ATRNL1: variants seen among roughly 807,000 people sequenced by gnomAD.
The protein encoded by ATRNL1 is attractin-like protein 1.
Under a neutral mutation model 182.7 loss-of-function variants are expected in ATRNL1, and 95 were observed. That is an observed-to-expected ratio of 0.52 (90% confidence interval 0.44 to 0.62). The LOEUF (loss-of-function observed/expected upper bound fraction) is 0.62, where lower values mean the gene tolerates loss of function less well. ATRNL1 is among the 20% of genes least tolerant of loss of function. The pLI is 0.00. For missense variants in ATRNL1, 1,471 were observed against 1,679.5 expected (o/e 0.88, Z 2.17); for synonymous variants, 576 against 568.3 (o/e 1.01, Z -0.19).
At chr10:115,679,881 G>A (rs771424183) in intron 26 of ATRNL1, among the ~76,000 whole-genome samples, 1 of 151,932 alleles carries the variant, frequency 6.6e-6, no homozygotes, top group Admixed American at 6.6e-5. Context: ...TTTGATTAAA[G>A]GTCTTTCCTT....
At chr10:115,321,855 T>C (rs1554931638) in intron 18 of ATRNL1, among the ~76,000 whole-genome samples, 1 of 152,030 alleles carries the variant, frequency 6.6e-6, no homozygotes, top group Admixed American at 6.6e-5. Context: ...TAATCTTATA[T>C]GTAGAAAAGC....
intron 20 of ATRNL1, among the ~76,000 whole-genome samples, chr10:115,409,370 G>T (rs556010821): frequency 3.9e-5 from 6 of 152,066 alleles, no homozygotes; most frequent in Non-Finnish European, 7.4e-5. Context: ...CTACTTTGTT[G>T]TTTGTATATT....
At chr10:115,256,851 G>A (rs1258643582) in intron 10 of ATRNL1, among the ~76,000 whole-genome samples, 1 of 152,022 alleles carries the variant, frequency 6.6e-6, no homozygotes, top group African/African-American at 2.4e-5. Context: ...TGTTCTTATT[G>A]GTTTCAAAGA....
rs1554873877 is a variant in ATRNL1, at chr10:115,127,599, G to A, written c.498G>A (p.Leu166=). The change falls in exon 4 of 29, where the codon TTG becomes TTA. Residue 166 remains leucine (L), a synonymous_variant. Coordinates refer to ENST00000355044, the MANE Select transcript of ATRNL1 (RefSeq NM_207303.4). ...YAPLIAVLSG[L]IVPEIRGNET... The stretch of plus-strand genomic sequence containing the variant: ...CAGTTTTGTTCTCTTTTAGTGGTTT[G>A]ATAGTCCCTGAAATAAGGGGCAATG... 6.2e-7 allele frequency: 1 copy of A among 1,608,544 alleles called. No homozygotes were observed. The highest frequency in any genetic ancestry group is 8.5e-7 in the Non-Finnish European group (1 of 1,177,308).
chr10:115,112,686 G>A (rs781811673), intron 1 of ATRNL1, among the ~76,000 whole-genome samples: 9 of 152,132 alleles, frequency 5.9e-5, no homozygotes, highest in Non-Finnish European at 1.0e-4. Context: ...TTATAAATGG[G>A]TAACTCATTT....
intron 17 of ATRNL1, among the ~76,000 whole-genome samples, chr10:115,303,920 G>GT (rs1401903090): frequency 6.6e-6 from 1 of 152,122 alleles, no homozygotes; most frequent in East Asian, 1.9e-4. Context: ...GAAAGCAACA[G>GT]TTTCCCTCTC....
chr10:115,474,330 A>G (rs1554972678), intron 24 of ATRNL1, among the ~76,000 whole-genome samples: 1 of 151,364 alleles, frequency 6.6e-6, no homozygotes, highest in East Asian at 1.9e-4. Flanking sequence ...ATATCCTTAG[A>G]AGTATTCTCT....
At chr10:115,724,938 G>A (rs1249610510) in intron 26 of ATRNL1, among the ~76,000 whole-genome samples, 1 of 152,104 alleles carries the variant, frequency 6.6e-6, no homozygotes, top group African/African-American at 2.4e-5. Flanking sequence ...AAGAACATTT[G>A]CATTAGTCTC....
At chr10:115,553,535 C>T (rs1853126299) in intron 26 of ATRNL1, among the ~76,000 whole-genome samples, 1 of 151,348 alleles carries the variant, frequency 6.6e-6, no homozygotes, top group South Asian at 2.1e-4. Context: ...GAGGATAAGA[C>T]ATGCCCAATG....
At chr10:115,117,231 A>C (rs1464881959) in intron 1 of ATRNL1, among the ~76,000 whole-genome samples, 1 of 151,942 alleles carries the variant, frequency 6.6e-6, no homozygotes, top group Non-Finnish European at 1.5e-5. Context: ...GTTATTTTAA[A>C]ATGGACAATT....
intron 15 of ATRNL1, among the ~76,000 whole-genome samples, chr10:115,297,239 G>T (rs115403465): frequency 1.3e-5 from 2 of 152,144 alleles, no homozygotes; most frequent in Non-Finnish European, 1.5e-5. Context: ...ATGTGACAAG[G>T]TGTATTTGTA....
intron 25 of ATRNL1, among the ~76,000 whole-genome samples, chr10:115,542,949 T>C (rs1291016284): frequency 1.3e-5 from 2 of 152,132 alleles, no homozygotes; most frequent in African/African-American, 2.4e-5. Context: ...TTATATCAGA[T>C]CAGAATCCCA....
chr10:115,098,514 T>C (rs1003163122), intron 1 of ATRNL1, among the ~76,000 whole-genome samples: 5 of 135,336 alleles, frequency 3.7e-5, no homozygotes, highest in African/African-American at 1.2e-4. Flanking sequence ...CAGGCTGGAG[T>C]GCAGTGGCGC....
At chr10:115,907,100 G>A (rs1234022650) in intron 28 of ATRNL1, among the ~76,000 whole-genome samples, 1 of 148,614 alleles carries the variant, frequency 6.7e-6, no homozygotes, top group Non-Finnish European at 1.5e-5. Context: ...GGTCTAGAAA[G>A]TCCAAGTGAC....
At chr10:115,311,248 G>A (rs947437814) in intron 17 of ATRNL1, among the ~76,000 whole-genome samples, 1 of 144,856 alleles carries the variant, frequency 6.9e-6, no homozygotes, top group South Asian at 2.2e-4. Flanking sequence ...GGAGTGCCGT[G>A]GCACAATCTT....
At chr10:115,207,054 T>C (rs1318750617) in intron 8 of ATRNL1, among the ~76,000 whole-genome samples, 1 of 152,170 alleles carries the variant, frequency 6.6e-6, no homozygotes, top group African/African-American at 2.4e-5. Context: ...TTCCATGGTG[T>C]ATATGTGCCA....
At position 115,816,432 on chromosome 10, in the gene ATRNL1, G is replaced by A. The variant is rs115275359; in HGVS notation, c.3904-31445G>A. ...GAGAAGTTACTCTGTGCCAGATACC[G>A]GGGCACTCATAAGAATTTCTATAGA... On this transcript the variant is annotated intron_variant, in intron 27 of 28. Coordinates refer to ENST00000355044, the MANE Select transcript of ATRNL1 (RefSeq NM_207303.4). Among the ~76,000 whole-genome samples the A allele has an allele frequency of 2.8e-3, 430 of 152,172 alleles. 1 individual carries two copies. The highest frequency in any genetic ancestry group is 1.0e-2 in the African/African-American group (414 of 41,512).
intron 9 of ATRNL1, among the ~76,000 whole-genome samples, chr10:115,231,501 G>A (rs1592294663): frequency 6.6e-6 from 1 of 152,296 alleles, no homozygotes; most frequent in Non-Finnish European, 1.5e-5. Context: ...GTAACAAGTG[G>A]TAAGGGATGT....
chr10:115,780,942 CAGA>C (rs1192053970), intron 27 of ATRNL1, among the ~76,000 whole-genome samples: 1 of 152,016 alleles, frequency 6.6e-6, no homozygotes, highest in African/African-American at 2.4e-5. Context: ...GGAGGGAGAC[CAGA>C]AGAAGGAATA....
Sources: allele counts gnomAD v4.1 joint callset (sites outside exome capture counted in the v4.1 genomes callset), GRCh38; gene constraint gnomAD v4.1.1; transcripts MANE v1.5; gene names NCBI Gene and HGNC (gene_info 2026-07-23, HGNC 2026-07-21).